IFNGR2: variants seen among roughly 807,000 people sequenced by gnomAD.
IFNGR2 encodes the protein IFN-gamma receptor 2.
A neutral mutation model predicts 41.1 loss-of-function variants in IFNGR2; 15 were observed. That is an observed-to-expected ratio of 0.37 (90% CI 0.24 to 0.56). The LOEUF (loss-of-function observed/expected upper bound fraction) is 0.56. Ranked by LOEUF, IFNGR2 falls within the 20% of genes least tolerant of loss-of-function variation. The pLI is 0.81. For synonymous variants in IFNGR2, 161 were observed against 171.6 expected, an observed-to-expected ratio of 0.94 and a Z score of 0.48; for missense variants, 362 against 415.7, an observed-to-expected ratio of 0.87 and a Z score of 1.12.
chr21:33,436,103 A>C lies in IFNGR2; in HGVS notation c.880-725A>C, dbSNP rs562228023. Among the ~76,000 whole-genome samples, 14 of 151,926 alleles carry C rather than the reference A, an allele frequency of 9.2e-5. 1 individual carries two copies. The East Asian group carries it at 2.7e-3, about 29-fold the overall frequency. Reference sequence around the variant, plus strand: ...CCGGGTGCAGTGGCTCACACCTGCAATCCCAGCACTTTGGGAGGCCGAGGC... The same window carrying C: ...CCGGGTGCAGTGGCTCACACCTGCACTCCCAGCACTTTGGGAGGCCGAGGC... On this transcript the variant is annotated intron_variant, in intron 6 of 6. Coordinates refer to ENST00000290219, the MANE Select transcript of IFNGR2 (RefSeq NM_005534.4).
chr21:33,437,106 G>T lies in IFNGR2; in HGVS notation c.*144G>T. On this transcript the variant is annotated 3_prime_UTR_variant, in exon 7 of 7. Coordinates refer to ENST00000290219, the MANE Select transcript of IFNGR2 (RefSeq NM_005534.4). ...GTCCCTGCAGACATGAGAGACAGCA[G>T]GTCTCATGGGGGTGACAAGCTTTTT... is the stretch of plus-strand genomic sequence containing the variant. 1 of 691,826 alleles carries T rather than the reference G, an allele frequency of 1.4e-6. No homozygotes were observed. The highest frequency in any genetic ancestry group is 2.7e-5 in the East Asian group (1 of 36,436). 42.9% of individuals were successfully genotyped at this position (691,826 alleles called of 1,614,324 possible).
At chr21:33,434,147 GCT>G (rs895434234) in intron 6 of IFNGR2, among the ~76,000 whole-genome samples, 1 of 152,174 alleles carries the variant, frequency 6.6e-6, no homozygotes, top group African/African-American at 2.4e-5. Context: ...GCCCCCTGAG[GCT>G]CTGTGAGGCC....
At chr21:33,425,501 T>G (rs2123355862) in intron 3 of IFNGR2, among the ~76,000 whole-genome samples, 1 of 152,336 alleles carries the variant, frequency 6.6e-6, no homozygotes, top group Middle Eastern at 3.4e-3. Flanking sequence ...CTAATGGAGA[T>G]GCCCAAAGAA....
chr21:33,422,696 G>C (rs535675767), intron 3 of IFNGR2, among the ~76,000 whole-genome samples: 1 of 151,868 alleles, frequency 6.6e-6, no homozygotes, highest in East Asian at 1.9e-4. Context: ...GGCCAACATG[G>C]TGAAACCCCA....
chr21:33,421,328 T>C (rs1327149872), intron 2 of IFNGR2, 152 bp from the exon 3 acceptor site: 22 of 537,408 alleles, frequency 4.1e-5, no homozygotes, highest in Middle Eastern at 4.4e-4. Flanking sequence ...CAAAACTCCA[T>C]CTCAAAAAAA....
At chr21:33,431,525 G>A (rs540307031) in intron 4 of IFNGR2, among the ~76,000 whole-genome samples, 5 of 152,214 alleles carry the variant, frequency 3.3e-5, no homozygotes, top group East Asian at 1.9e-4. Flanking sequence ...AGCCGAGGTC[G>A]CACCATTGCG....
intron 4 of IFNGR2, among the ~76,000 whole-genome samples, chr21:33,431,006 G>A (rs971654216): frequency 6.6e-6 from 1 of 152,194 alleles, no homozygotes; most frequent in Non-Finnish European, 1.5e-5. Context: ...CAGGACAACA[G>A]GAGCCATTGC....
At chr21:33,403,654 G>A in intron 1 of IFNGR2, 38 bp downstream of exon 1, 1 of 1,275,532 alleles carries the variant, frequency 7.8e-7, no homozygotes, top group Non-Finnish European at 9.9e-7. Flanking sequence ...GGACGCGGGC[G>A]CAGCCGCAGC....
At chr21:33,405,103 G>GAAA (rs3057379) in intron 1 of IFNGR2, among the ~76,000 whole-genome samples, 2 of 119,826 alleles carry the variant, frequency 1.7e-5, no homozygotes. Context: ...CTCTGTCTCA[G>GAAA]AAAAAAAAAA....
At chr21:33,428,937 G>C (rs952715652) in intron 4 of IFNGR2, among the ~76,000 whole-genome samples, 5 of 152,164 alleles carry the variant, frequency 3.3e-5, no homozygotes, top group African/African-American at 9.6e-5. Context: ...GAGCTGGGCA[G>C]GGCTGCCCAG....
At chr21:33,425,633 A>G (rs946130161) in intron 3 of IFNGR2, among the ~76,000 whole-genome samples, 2 of 152,234 alleles carry the variant, frequency 1.3e-5, no homozygotes, top group Non-Finnish European at 2.9e-5. Context: ...GGCTGAGTGG[A>G]AGAGCATTTT....
chr21:33,403,739 C>CG, intron 1 of IFNGR2, 123 bp downstream of exon 1: 1 of 553,470 alleles, frequency 1.8e-6, no homozygotes, highest in Non-Finnish European at 2.6e-6. Flanking sequence ...TGGGAATCTG[C>CG]GGGGTGCTCC....
intron 1 of IFNGR2, 37 bp from the exon 2 acceptor site, chr21:33,414,851 C>T (rs1034234145): frequency 1.9e-6 from 3 of 1,587,514 alleles, no homozygotes; most frequent in South Asian, 1.1e-5. Context: ...TCTCTCTCCT[C>T]CCTTCCTCCC....
chr21:33,424,526 C>T (rs1409746804), intron 3 of IFNGR2, among the ~76,000 whole-genome samples: 1 of 152,124 alleles, frequency 6.6e-6, no homozygotes, highest in Non-Finnish European at 1.5e-5. Flanking sequence ...GCCACTTTCA[C>T]CTCTGCTGGT....
In IFNGR2 at chr21:33,437,077, G is replaced by C; in HGVS notation, c.*115G>C. On this transcript the variant is annotated 3_prime_UTR_variant, in exon 7 of 7. Coordinates refer to ENST00000290219, the MANE Select transcript of IFNGR2 (RefSeq NM_005534.4). ...TATTCCCTTTTGCTGCCTCTAAAAG[G>C]CCTGTCCCTGCAGACATGAGAGACA... The C allele has an allele frequency of 1.9e-6, 2 of 1,029,246 alleles. No individual in the cohort carries two copies. The highest frequency in any genetic ancestry group is 3.0e-6 in the Non-Finnish European group (2 of 669,664). 63.8% of individuals were successfully genotyped at this position (1,029,246 alleles called of 1,614,324 possible).
intron 2 of IFNGR2, among the ~76,000 whole-genome samples, chr21:33,418,819 GA>G (rs1234611246): frequency 6.6e-6 from 1 of 151,280 alleles, no homozygotes; most frequent in Non-Finnish European, 1.5e-5. Flanking sequence ...TAAATAACAG[GA>G]AAAAAAACCA....
chr21:33,405,044 G>C (rs1258755354), intron 1 of IFNGR2, among the ~76,000 whole-genome samples: 1 of 147,250 alleles, frequency 6.8e-6, no homozygotes, highest in African/African-American at 2.5e-5. Flanking sequence ...ACTTGAACCC[G>C]AGAGCTGAGA....
chr21:33,434,044 A>C (rs985483876), intron 6 of IFNGR2, among the ~76,000 whole-genome samples: 3 of 152,094 alleles, frequency 2.0e-5, no homozygotes, highest in Admixed American at 1.3e-4. Context: ...CCGTGTACCC[A>C]TTGCCCAGTG....
chr21:33,411,577 T>A (rs1440795668), intron 1 of IFNGR2: 2 of 466,810 alleles, frequency 4.3e-6, no homozygotes, highest in East Asian at 1.4e-4. Context: ...CAGATGTGAG[T>A]AAGTTAAGAG....
Sources: gnomAD v4.1 joint callset for allele counts (sites outside exome capture counted in the v4.1 genomes callset) on GRCh38, gnomAD v4.1.1 for gene constraint, MANE v1.5 for transcripts, NCBI Gene and HGNC (gene_info 2026-07-23, HGNC 2026-07-21) for gene names.